ADAMTS15: variants seen among roughly 807,000 people sequenced by gnomAD.
ADAMTS15 encodes A disintegrin and metalloproteinase with thrombospondin motifs 15.
In ADAMTS15, 35 loss-of-function variants were observed where a neutral mutation model predicts 79.1. The observed-to-expected ratio is 0.44, with a 90% confidence interval of 0.34 to 0.59. The LOEUF (loss-of-function observed/expected upper bound fraction) is 0.59, where lower values mean the gene tolerates loss of function less well. Ranked by LOEUF, ADAMTS15 falls within the 20% of genes least tolerant of loss-of-function variation. ADAMTS15 has a pLI of 0.02. For missense variants in ADAMTS15, 1,324 were observed against 1,318.7 expected (o/e 1.00, Z -0.06); for synonymous variants, 616 against 567.3 (o/e 1.09, Z -1.22).
rs767130677 is a variant in ADAMTS15, at chr11:130,473,460, A to C, written c.2492A>C (p.Gln831Pro). The C allele has an allele frequency of 6.2e-7, 1 of 1,612,324 alleles. No individual in the cohort carries two copies. Among genetic ancestry groups the C allele is most frequent in the African/African-American group, 1.3e-5 (1 of 75,058 alleles). ...LHNSVLSLSNQVEQPDDRPPA... is the reference protein window; with the variant it reads ...LHNSVLSLSNPVEQPDDRPPA... ...AACAGCGTCCTCAGCCTCTCCAACCAGGTGGAGCAGCCGGACGACAGGCCC... is the reference window on the plus strand; with the variant it reads ...AACAGCGTCCTCAGCCTCTCCAACCCGGTGGAGCAGCCGGACGACAGGCCC... The change falls in exon 8 of 8, where the codon CAG becomes CCG. Residue 831 changes from glutamine to proline, a missense_variant. Gln to Pro is a moderately conservative substitution (Grantham distance 76). Transcript: ENST00000299164.
chr11:130,464,607 A>G (rs769794162), intron 4 of ADAMTS15, among the ~76,000 whole-genome samples: 3 of 151,960 alleles, frequency 2.0e-5, no homozygotes, highest in African/African-American at 4.8e-5. Context: ...CCTTCCCATC[A>G]TGCCTTCCCA....
rs922922668 is a variant in ADAMTS15, at chr11:130,472,830, C to T, written c.2079-217C>T. ...GTGAGGTGTGTGGAATTCTGAGCTC[C>T]ACTTTACAGGTGAGGATGTGGAGGC... On this transcript the variant is annotated intron_variant, in intron 7 of 7. Coordinates refer to ENST00000299164, the MANE Select transcript of ADAMTS15 (RefSeq NM_139055.4). This position sits in a 1 kb window ranked among gnomAD's most constrained non-coding sequence, Gnocchi z 4.7. 1.3e-5 allele frequency among the ~76,000 whole-genome samples: 2 copies of T among 152,216 alleles called. No individual in the cohort carries two copies. Among genetic ancestry groups the T allele is most frequent in the African/African-American group, 4.8e-5 (2 of 41,460 alleles).
At chr11:130,450,159 G>A in intron 1 of ADAMTS15, 1 of 985,498 alleles carries the variant, frequency 1.0e-6, no homozygotes, top group Non-Finnish European at 1.2e-6. Flanking sequence ...GCTTTCCGAA[G>A]GTGTTGGCCT....
chr11:130,460,656 T>C (rs1938180093), intron 1 of ADAMTS15, among the ~76,000 whole-genome samples: 1 of 152,212 alleles, frequency 6.6e-6, no homozygotes, highest in Admixed American at 6.5e-5. Context: ...TTAAGTTATC[T>C]GAATGTGTTT....
At chr11:130,461,695 T>C in intron 2 of ADAMTS15, 74 bp downstream of exon 2, 1 of 1,587,192 alleles carries the variant, frequency 6.3e-7, no homozygotes, top group Non-Finnish European at 8.6e-7. Flanking sequence ...GACGTGTGTC[T>C]TTGCCCCCTT....
At chr11:130,471,844 A>C (rs1364522661) in intron 7 of ADAMTS15, among the ~76,000 whole-genome samples, 1 of 152,246 alleles carries the variant, frequency 6.6e-6, no homozygotes, top group Non-Finnish European at 1.5e-5. Context: ...TAGTCCAAGT[A>C]ACACGGTTAG....
At chr11:130,453,641 G>T (rs1409451646) in intron 1 of ADAMTS15, among the ~76,000 whole-genome samples, 1 of 152,062 alleles carries the variant, frequency 6.6e-6, no homozygotes, top group Non-Finnish European at 1.5e-5. Flanking sequence ...TAACCAGGCT[G>T]ATCTTGAACT....
chr11:130,474,242 G>A lies in ADAMTS15; in HGVS notation c.*421G>A, dbSNP rs1007561206. On this transcript the variant is annotated 3_prime_UTR_variant, in exon 8 of 8. Coordinates refer to ENST00000299164, the MANE Select transcript of ADAMTS15 (RefSeq NM_139055.4). The stretch of plus-strand genomic sequence containing the variant: ...CAGGTGGCCCCATGGGCTCTGAGCC[G>A]TGTCTGAACGAGGCAGGGTTTTCAC... 20 of 180,146 alleles carry A rather than the reference G, an allele frequency of 1.1e-4. No homozygotes were observed. Among genetic ancestry groups the A allele is most frequent in the African/African-American group, 4.0e-4 (17 of 42,544 alleles). 11.2% of individuals were successfully genotyped at this position (180,146 alleles called of 1,614,324 possible).
chr11:130,472,715 A>G lies in ADAMTS15; in HGVS notation c.2079-332A>G, dbSNP rs1938483005. Among the ~76,000 whole-genome samples the G allele has an allele frequency of 1.6e-5, 2 of 123,920 alleles. No individual in the cohort carries two copies. The highest frequency in any genetic ancestry group is 1.8e-4 in the Admixed American group (2 of 10,832). 81.3% of individuals were successfully genotyped at this position (123,920 alleles called of 152,430 possible). On this transcript the variant is annotated intron_variant, in intron 7 of 7. Coordinates refer to ENST00000299164, the MANE Select transcript of ADAMTS15 (RefSeq NM_139055.4). This position sits in a 1 kb window ranked among gnomAD's most constrained non-coding sequence, Gnocchi z 4.7. ...CCTCCTCCTCCTCCTCCTCGTCCTCATGGCAGATGTCTACATATCCTTGAT... is the reference window on the plus strand; with the variant it reads ...CCTCCTCCTCCTCCTCCTCGTCCTCGTGGCAGATGTCTACATATCCTTGAT...
chr11:130,471,033 C>T lies in ADAMTS15; in HGVS notation c.1834C>T (p.Pro612Ser). The change falls in exon 6 of 8, where the codon CCC becomes TCC. Residue 612 changes from proline (P) to serine (S), a missense_variant. Pro to Ser is a moderately conservative substitution (Grantham distance 74). Coordinates refer to ENST00000299164, the MANE Select transcript of ADAMTS15 (RefSeq NM_139055.4). ...GGTGCCCAAGTACTCCGGCGTGTCTCCCCGGGACAAGTGCAAGCTCATCTG... is the reference window on the plus strand; with the variant it reads ...GGTGCCCAAGTACTCCGGCGTGTCTTCCCGGGACAAGTGCAAGCTCATCTG... ...AWVPKYSGVS[P>S]RDKCKLICRA... The T allele has an allele frequency of 1.9e-6, 3 of 1,613,840 alleles. No individual in the cohort carries two copies. The highest frequency in any genetic ancestry group is 2.5e-6 in the Non-Finnish European group (3 of 1,180,032).
chr11:130,458,959 C>T (rs1938144353), intron 1 of ADAMTS15, among the ~76,000 whole-genome samples: 1 of 151,574 alleles, frequency 6.6e-6, no homozygotes, highest in African/African-American at 2.4e-5. Context: ...AGTTCACACG[C>T]TGATCCATGT....
chr11:130,469,922 C>T (rs1289689393), intron 5 of ADAMTS15, among the ~76,000 whole-genome samples: 1 of 151,244 alleles, frequency 6.6e-6, no homozygotes, highest in Non-Finnish European at 1.5e-5. Context: ...TTTTTAACTA[C>T]CTTTCCATCT....
intron 5 of ADAMTS15, among the ~76,000 whole-genome samples, chr11:130,470,212 A>ATATATATATG (rs1565397971): frequency 2.7e-4 from 14 of 52,286 alleles, no homozygotes; most frequent in South Asian, 2.0e-3. Flanking sequence ...ATATATATGT[A>ATATATATATG]TATATATATA....
At position 130,458,939 on chromosome 11, in the gene ADAMTS15, C is replaced by T. The variant is rs905494529; in HGVS notation, c.958-2550C>T. Among the ~76,000 whole-genome samples the T allele has an allele frequency of 2.0e-5, 3 of 152,138 alleles. No individual in the cohort carries two copies. The East Asian group carries it at 5.8e-4, about 29-fold the overall frequency. On this transcript the variant is annotated intron_variant, in intron 1 of 7. Coordinates refer to ENST00000299164, the MANE Select transcript of ADAMTS15 (RefSeq NM_139055.4). ...TTCATCCCTGCCCTCATCTTGGCTC[C>T]CTTCCCCACAGTTCACACGCTGATC...
intron 4 of ADAMTS15, among the ~76,000 whole-genome samples, chr11:130,466,182 A>G (rs1398636280): frequency 1.3e-5 from 2 of 151,768 alleles, no homozygotes; most frequent in Admixed American, 1.3e-4. Context: ...CTGTACTCTC[A>G]TTTTCTGAAG....
chr11:130,471,431 G>A, intron 7 of ADAMTS15, 48 bp downstream of exon 7: 1 of 1,578,008 alleles, frequency 6.3e-7, no homozygotes, highest in Non-Finnish European at 8.5e-7. Flanking sequence ...AGGGAGGGAG[G>A]TGGAGTTTCC....
chr11:130,458,388 C>T (rs1000405202), intron 1 of ADAMTS15, among the ~76,000 whole-genome samples: 25 of 152,152 alleles, frequency 1.6e-4, no homozygotes, highest in African/African-American at 4.3e-4. Context: ...AGAGCGGGGC[C>T]GGGGAACAGG....
chr11:130,469,577 A>G (rs1854051349), intron 5 of ADAMTS15, 138 bp downstream of exon 5: 1 of 657,892 alleles, frequency 1.5e-6, no homozygotes, highest in Middle Eastern at 4.7e-4. Flanking sequence ...TAGTATTTCT[A>G]TCATGGATTC....
intron 1 of ADAMTS15, 86 bp from the exon 2 acceptor site, chr11:130,461,403 C>T (rs1810707025): frequency 6.3e-7 from 1 of 1,586,440 alleles, no homozygotes; most frequent in Non-Finnish European, 8.6e-7. Context: ...CTGGAATGTC[C>T]TATAGGATGT....
Sources: allele counts gnomAD v4.1 joint callset (sites outside exome capture counted in the v4.1 genomes callset), GRCh38; gene constraint gnomAD v4.1.1; non-coding constraint Gnocchi (gnomAD v3.1); transcripts MANE v1.5; gene names NCBI Gene and HGNC (gene_info 2026-07-23, HGNC 2026-07-21).